Variants in CLCC1 observed in about 807,000 individuals in gnomAD.
CLCC1 encodes chloride channel CLIC like 1.
In CLCC1, 39 loss-of-function variants were observed where a neutral mutation model predicts 63.3. That is an observed-to-expected ratio of 0.62 (90% confidence interval 0.48 to 0.81). The LOEUF is 0.81. Ranked by LOEUF, CLCC1 falls within the 30% of genes least tolerant of loss-of-function variation. The probability of loss-of-function intolerance (pLI) is 0.00; values close to 1 mark genes in which losing one functional copy is unlikely to be tolerated. For synonymous variants in CLCC1, 217 were observed against 239.8 expected (o/e 0.90, Z 0.88); for missense variants, 549 against 669.4 (o/e 0.82, Z 1.98).
At chr1:108,953,335 C>T (rs994112162) in intron 2 of CLCC1, among the ~76,000 whole-genome samples, 4 of 152,230 alleles carry the variant, frequency 2.6e-5, no homozygotes, top group African/African-American at 9.6e-5. Flanking sequence ...CACAATAGCT[C>T]TCAACCTTGG....
At chr1:108,932,768 G>A (rs1652225478) in intron 12 of CLCC1, 2 of 152,168 alleles carry the variant, frequency 1.3e-5, no homozygotes, top group African/African-American at 2.4e-5. Context: ...TAAACTGCAG[G>A]TGTCTGTCAG....
At chr1:108,932,548 A>AAAAG (rs1652177003) in intron 12 of CLCC1, 47 bp from the exon 13 acceptor site, 1 of 152,248 alleles carries the variant, frequency 6.6e-6, no homozygotes, top group Non-Finnish European at 1.5e-5. Flanking sequence ...AAAATTTTTT[A>AAAAG]AAAGAATTTG....
intron 5 of CLCC1, among the ~76,000 whole-genome samples, chr1:108,944,566 C>T (rs1288918093): frequency 6.6e-6 from 1 of 151,698 alleles, no homozygotes; most frequent in Admixed American, 6.6e-5. Flanking sequence ...TTCTAGAACT[C>T]TATGTAAAAA....
At position 108,943,555 on chromosome 1, in the gene CLCC1, G is replaced by A. The variant is rs371801332; in HGVS notation, c.622C>T (p.Arg208Cys). Residue 208 changes from arginine (R) to cysteine (C), a missense_variant, in exon 7 of 13, where the codon CGT (arginine) becomes TGT (cysteine). By Grantham distance (180) the Arg-to-Cys change is radical. Coordinates refer to ENST00000369969, the MANE Select transcript of CLCC1 (RefSeq NM_001377458.1). The stretch of plus-strand genomic sequence containing the variant: ...ACACGTCTCAACTGAGTGTACCAAC[G>A]TACATATGTCCACAGCTCAGTAGCC... ...LVATELWTYVRWYTQLRRVLI... is the reference protein window; with the variant it reads ...LVATELWTYVCWYTQLRRVLI... 1.5e-5 allele frequency: 24 copies of A among 1,613,742 alleles called. No individual in the cohort carries two copies. The highest frequency in any genetic ancestry group is 1.9e-5 in the Non-Finnish European group (23 of 1,179,812).
At chr1:108,936,781 A>AAGAT (rs2101624091) in intron 11 of CLCC1, among the ~76,000 whole-genome samples, 1 of 152,310 alleles carries the variant, frequency 6.6e-6, no homozygotes, top group East Asian at 1.9e-4. Flanking sequence ...GATCTCTTCA[A>AAGAT]AGATAGAAAT....
Position 108,930,155 on chromosome 1 carries a change from G to A in CLCC1, c.*2392C>T, listed in dbSNP as rs1651676147. On this transcript the variant is annotated 3_prime_UTR_variant, in exon 13 of 13. Transcript: ENST00000369969. ...GGTCCTGTAAGGTGCTTCATCGTCT[G>A]TGATTACTGCTTGGGATGTGTTCTT... 1 of 525,956 alleles carries A rather than the reference G, an allele frequency of 1.9e-6. No individual in the cohort carries two copies. The highest frequency in any genetic ancestry group is 3.1e-5 in the East Asian group (1 of 32,530). The allele number at this position is 525,956 out of a possible 1,614,324, so 32.6% of individuals were successfully genotyped here.
intron 5 of CLCC1, among the ~76,000 whole-genome samples, chr1:108,947,035 G>A (rs1399213799): frequency 6.6e-6 from 1 of 152,032 alleles, no homozygotes; most frequent in Non-Finnish European, 1.5e-5. Context: ...ATGGTGGCAG[G>A]TGCCTGTAAT....
At chr1:108,944,621 G>A (rs981055970) in intron 5 of CLCC1, among the ~76,000 whole-genome samples, 26 of 151,474 alleles carry the variant, frequency 1.7e-4, no homozygotes, top group Admixed American at 1.4e-3. Context: ...CTTGCTATTC[G>A]CAGTAGTTAT....
chr1:108,957,289 T>C (rs1307021235), intron 2 of CLCC1, among the ~76,000 whole-genome samples: 4 of 151,416 alleles, frequency 2.6e-5, no homozygotes, highest in Non-Finnish European at 5.9e-5. Context: ...GGCCACGTAA[T>C]AGTTAAGTTC....
At chr1:108,943,254 G>A (rs994263399) in intron 7 of CLCC1, among the ~76,000 whole-genome samples, 4 of 152,100 alleles carry the variant, frequency 2.6e-5, no homozygotes, top group African/African-American at 9.7e-5. Context: ...AACATTAACT[G>A]GGTTATGAAA....
chr1:108,931,256 A>G lies in CLCC1; in HGVS notation c.*1291T>C. 1.4e-6 allele frequency: 2 copies of G among 1,445,542 alleles called. No homozygotes were observed. Among genetic ancestry groups the G allele is most frequent in the Non-Finnish European group, 1.8e-6 (2 of 1,091,406 alleles). 89.5% of individuals were successfully genotyped at this position (1,445,542 alleles called of 1,614,324 possible). On this transcript the variant is annotated 3_prime_UTR_variant, in exon 13 of 13. Coordinates refer to ENST00000369969, the MANE Select transcript of CLCC1 (RefSeq NM_001377458.1). Reference sequence around the variant, plus strand: ...GAAAACTCACAAAAATTAAATATGAAAGAAAGATGTCAGCTAGAACCTTAG... The same window carrying G: ...GAAAACTCACAAAAATTAAATATGAGAGAAAGATGTCAGCTAGAACCTTAG...
At position 108,943,971 on chromosome 1, in the gene CLCC1, A is replaced by C. The variant is rs1198692267; in HGVS notation, c.426T>G (p.Asn142Lys). 1.9e-5 allele frequency: 30 copies of C among 1,613,626 alleles called. No homozygotes were observed. The highest frequency in any genetic ancestry group is 2.5e-5 in the Non-Finnish European group (30 of 1,179,674). Residue 142 changes from asparagine (N) to lysine (K), a missense_variant, in exon 6 of 13, where the codon AAT becomes AAG. Physicochemically the swap from Asn to Lys is moderately conservative, Grantham distance 94. Coordinates refer to ENST00000369969, the MANE Select transcript of CLCC1 (RefSeq NM_001377458.1). ...ETLLEIQKFL[N>K]GEDWKPGALD... is the part of the protein sequence containing the mutation. ...AGGCACCTGGTTTCCAGTCTTCTCC[A>C]TTGAGAAACTTCTGTATTTCTAACA...
intron 2 of CLCC1, among the ~76,000 whole-genome samples, chr1:108,961,858 TAA>T (rs144759211): frequency 6.9e-6 from 1 of 145,416 alleles, no homozygotes. Context: ...AAACTCCGTC[TAA>T]AAAAAAAAAA....
At chr1:108,953,599 C>T (rs1193007637) in intron 2 of CLCC1, among the ~76,000 whole-genome samples, 1 of 152,234 alleles carries the variant, frequency 6.6e-6, no homozygotes, top group Non-Finnish European at 1.5e-5. Flanking sequence ...ATCTCCCCAA[C>T]CTCAACACCC....
intron 2 of CLCC1, among the ~76,000 whole-genome samples, chr1:108,962,047 TG>T (rs1187045870): frequency 5.9e-5 from 9 of 152,174 alleles, no homozygotes; most frequent in African/African-American, 2.2e-4. Context: ...CTACCTAAAC[TG>T]CCTCTCCAGG....
At chr1:108,960,189 G>T (rs1288697484) in intron 2 of CLCC1, among the ~76,000 whole-genome samples, 1 of 152,078 alleles carries the variant, frequency 6.6e-6, no homozygotes, top group Non-Finnish European at 1.5e-5. Flanking sequence ...ATGCTCTGGA[G>T]ATACTTAGAA....
In CLCC1 at chr1:108,940,762, A is replaced by G. The variant is rs567901842; in HGVS notation, c.797-620T>C. On this transcript the variant is annotated intron_variant, in intron 8 of 12. Coordinates refer to ENST00000369969, the MANE Select transcript of CLCC1 (RefSeq NM_001377458.1). ...CATTTCACTGTCCACTGAAGCCAGGAAGGAAGGCTGAATTGGTTTAGTTCC... is the reference window on the plus strand; with the variant it reads ...CATTTCACTGTCCACTGAAGCCAGGGAGGAAGGCTGAATTGGTTTAGTTCC... Among the ~76,000 whole-genome samples the G allele has an allele frequency of 7.2e-5, 11 of 152,348 alleles. No homozygotes were observed. The South Asian group carries it at 2.1e-3, about 29-fold the overall frequency.
chr1:108,935,478 G>A (rs903194222), intron 11 of CLCC1, among the ~76,000 whole-genome samples: 8 of 152,310 alleles, frequency 5.3e-5, no homozygotes, highest in Middle Eastern at 3.4e-3. Context: ...GTCTGAAAAA[G>A]TGATATGGTT....
intron 11 of CLCC1, among the ~76,000 whole-genome samples, chr1:108,935,809 T>C (rs1652836941): frequency 6.6e-6 from 1 of 152,036 alleles, no homozygotes; most frequent in Admixed American, 6.6e-5. Flanking sequence ...ACCATATGAT[T>C]GATATATAAA....
Sources: gnomAD v4.1 joint callset for allele counts (sites outside exome capture counted in the v4.1 genomes callset) on GRCh38, gnomAD v4.1.1 for gene constraint, MANE v1.5 for transcripts, NCBI Gene and HGNC (gene_info 2026-07-23, HGNC 2026-07-21) for gene names.